RPS27L: variants seen among roughly 807,000 people sequenced by gnomAD.
RPS27L encodes ribosomal protein eS27-like.
A neutral mutation model predicts 12.8 loss-of-function variants in RPS27L; 10 were observed. The ratio of observed to expected loss-of-function variants is 0.78; its 90% CI spans 0.48 to 1.33. The LOEUF is 1.33. Among genes scored for constraint, RPS27L ranks in the 40% most tolerant of loss-of-function variants. The probability of loss-of-function intolerance (pLI) is 0.00; values close to 1 mark genes in which losing one functional copy is unlikely to be tolerated. For missense variants in RPS27L, 81 were observed against 97.4 expected, an observed-to-expected ratio of 0.83 and a Z score of 0.71; for synonymous variants, 26 against 32.3, an observed-to-expected ratio of 0.81 and a Z score of 0.66.
Position 63,152,336 on chromosome 15 carries a change from A to G in RPS27L, c.*1696T>C, listed in dbSNP as rs2037305239. ...GTATAGTTTTTTTCAAATGGCTACT[A>G]GAGTTGTTAGAACATAAGTTAATAA... is the stretch of plus-strand genomic sequence containing the variant. On this transcript the variant is annotated 3_prime_UTR_variant, in exon 4 of 4. Coordinates refer to ENST00000330964, the MANE Select transcript of RPS27L (RefSeq NM_015920.4). The G allele has an allele frequency of 6.6e-6, 1 of 152,142 alleles. No individual in the cohort carries two copies. The highest frequency in any genetic ancestry group is 2.4e-5 in the African/African-American group (1 of 41,434). The allele number at this position is 152,142 out of a possible 1,614,324, so 9.4% of individuals were successfully genotyped here. A position where few individuals can be genotyped will look rare whatever the true frequency, so the allele number is the denominator to read the frequency against.
rs1435184517 is a variant in RPS27L, at chr15:63,149,543, G to C, written c.*4489C>G. On this transcript the variant is annotated 3_prime_UTR_variant, in exon 4 of 4. Transcript: ENST00000330964. ...GATTGCGCCACTGCACTTCAGCCTG[G>C]GCGACGGAGCAAGACTCCGTCTCAA... 1 of 149,374 alleles carries C rather than the reference G, an allele frequency of 6.7e-6. No homozygotes were observed. The highest frequency in any genetic ancestry group is 1.5e-5 in the Non-Finnish European group (1 of 67,544). 9.3% of individuals were successfully genotyped at this position (149,374 alleles called of 1,614,324 possible). A position where few individuals can be genotyped will look rare whatever the true frequency, so the allele number is the denominator to read the frequency against.
chr15:63,155,589 A>G (rs1387137587), intron 3 of RPS27L, 32 bp downstream of exon 3: 1 of 1,347,878 alleles, frequency 7.4e-7, no homozygotes, highest in Non-Finnish European at 1.0e-6. Flanking sequence ...CATCAATCTC[A>G]TCACTGGGTT....
intron 3 of RPS27L, 77 bp from the exon 4 acceptor site, chr15:63,154,137 T>TA: frequency 3.5e-6 from 4 of 1,144,060 alleles, no homozygotes; most frequent in Non-Finnish European, 5.2e-6. Context: ...AAAGTACTTT[T>TA]AAGTAAAATA....
intron 1 of RPS27L, 133 bp downstream of exon 1, chr15:63,157,267 G>A (rs2037338627): frequency 9.8e-7 from 1 of 1,016,936 alleles, no homozygotes; most frequent in Admixed American, 1.8e-5. Context: ...CACGCGCGAA[G>A]ACGCTGCGCA....
At chr15:63,154,676 C>T (rs538082213) in intron 3 of RPS27L, 12 of 152,298 alleles carry the variant, frequency 7.9e-5, no homozygotes, top group African/African-American at 2.9e-4. Flanking sequence ...CCAGTGAGAG[C>T]ATGGAACTTA....
rs376819364 is a variant in RPS27L at position 63,157,443 on chromosome 15, C to T, written c.-38G>A. ...GCAAGCTCAGCCCTACCAGACCTCC[C>T]AGCCCACACAGCTAGCAAGCTGCAA... On this transcript the variant is annotated 5_prime_UTR_variant, in exon 1 of 4. Transcript: ENST00000330964. The T allele has an allele frequency of 2.5e-6, 4 of 1,613,262 alleles. No homozygotes were observed. The South Asian group carries it at 3.3e-5, about 13-fold the overall frequency.
rs902580977 is a variant in RPS27L at position 63,155,456 on chromosome 15, G to A, written c.226+165C>T. 1.7e-5 allele frequency: 8 copies of A among 466,434 alleles called. No individual in the cohort carries two copies. In the Admixed American group the frequency reaches 3.3e-4, roughly 19 times the overall value. The allele number at this position is 466,434 out of a possible 1,614,324, so 28.9% of individuals were successfully genotyped here. ...TCAATGGAGTTCACTGCAAGGTCAA[G>A]AGTATAAATATATCCATTTGAACAG... On this transcript the variant is annotated intron_variant, in intron 3 of 3. Transcript: ENST00000330964.
At chr15:63,156,860 G>A (rs2037335869) in intron 1 of RPS27L, 1 of 491,258 alleles carries the variant, frequency 2.0e-6, no homozygotes, top group Non-Finnish European at 3.5e-6. Context: ...CCCGACTGTG[G>A]ACTCGCTTAG....
chr15:63,154,990 T>A (rs543672203), intron 3 of RPS27L: 1 of 152,130 alleles, frequency 6.6e-6, no homozygotes, highest in South Asian at 2.1e-4. Flanking sequence ...TATATGGTTT[T>A]AAAAATCTGT....
Position 63,153,025 on chromosome 15 carries a change from A to G in RPS27L, c.*1007T>C, listed in dbSNP as rs1372309164. ...ATGAGGAGTTGTATAGTGAGTGGATACACTCCCCGTCTCAGCTCCCCAGGA... is the reference window on the plus strand; with the variant it reads ...ATGAGGAGTTGTATAGTGAGTGGATGCACTCCCCGTCTCAGCTCCCCAGGA... On this transcript the variant is annotated 3_prime_UTR_variant, in exon 4 of 4. Transcript: ENST00000330964. The G allele has an allele frequency of 6.6e-6, 1 of 152,210 alleles. No homozygotes were observed. Among genetic ancestry groups the G allele is most frequent in the African/African-American group, 2.4e-5 (1 of 41,436 alleles). 9.4% of individuals were successfully genotyped at this position (152,210 alleles called of 1,614,324 possible).
rs1004742087 is a variant in RPS27L, at chr15:63,157,475, T to G, written c.-70A>C. 51 of 1,586,476 alleles carry G rather than the reference T, an allele frequency of 3.2e-5. No individual in the cohort carries two copies. Among genetic ancestry groups the G allele is most frequent in the South Asian group, 2.8e-4 (25 of 90,534 alleles). ...CACAGCTAGCAAGCTGCAAGCGATC[T>G]GCGCTCGGCATCAACTTCCGGGATA... On this transcript the variant is annotated 5_prime_UTR_variant, in exon 1 of 4. Transcript: ENST00000330964.
In RPS27L at chr15:63,153,700, G is replaced by C. The variant is rs1457100940; in HGVS notation, c.*332C>G. ...AGATCGCACCACTGCACTCCAGCTT[G>C]AGTGACAGAGCAGGACTCTCTCTCT... is the stretch of plus-strand genomic sequence containing the variant. On this transcript the variant is annotated 3_prime_UTR_variant, in exon 4 of 4. Coordinates refer to ENST00000330964, the MANE Select transcript of RPS27L (RefSeq NM_015920.4). The C allele has an allele frequency of 4.6e-6, 1 of 216,822 alleles. No homozygotes were observed. Among genetic ancestry groups the C allele is most frequent in the Non-Finnish European group, 8.7e-6 (1 of 115,270 alleles). The allele number at this position is 216,822 out of a possible 1,614,324, so 13.4% of individuals were successfully genotyped here. A position where few individuals can be genotyped will look rare whatever the true frequency, so the allele number is the denominator to read the frequency against.
At chr15:63,154,749 A>G (rs1289547765) in intron 3 of RPS27L, 1 of 152,126 alleles carries the variant, frequency 6.6e-6, no homozygotes, top group African/African-American at 2.4e-5. Flanking sequence ...ATTTACAAGT[A>G]TTACTATGGA....
rs1377497965 is a variant in RPS27L at position 63,150,251 on chromosome 15, T to A, written c.*3781A>T. 1 of 152,182 alleles carries A rather than the reference T, an allele frequency of 6.6e-6. No individual in the cohort carries two copies. Among genetic ancestry groups the A allele is most frequent in the Non-Finnish European group, 1.5e-5 (1 of 68,032 alleles). 9.4% of individuals were successfully genotyped at this position (152,182 alleles called of 1,614,324 possible). A position where few individuals can be genotyped will look rare whatever the true frequency, so the allele number is the denominator to read the frequency against. ...CTAAGTGAAACATACAGAAGCTACA[T>A]ACCATGTGATTCCATTTATACGAAA... On this transcript the variant is annotated 3_prime_UTR_variant, in exon 4 of 4. Transcript: ENST00000330964.
rs1176950604 is a variant in RPS27L, at chr15:63,149,577, A to AG, written c.*4454_*4455insC. 4 of 62,020 alleles carry AG rather than the reference A, an allele frequency of 6.4e-5. No homozygotes were observed. In the East Asian group the frequency reaches 1.4e-3, roughly 22 times the overall value. 3.8% of individuals were successfully genotyped at this position (62,020 alleles called of 1,614,324 possible). On this transcript the variant is annotated 3_prime_UTR_variant, in exon 4 of 4. Transcript: ENST00000330964. Reference sequence around the variant, plus strand: ...GCAAGACTCCGTCTCAAAAAAAAAAAAAAAAAAGAAAGAAAAAGAAAAAAG... The same window carrying AG: ...GCAAGACTCCGTCTCAAAAAAAAAAAGAAAAAAAGAAAGAAAAAGAAAAAAG...
intron 3 of RPS27L, 64 bp from the exon 4 acceptor site, chr15:63,154,124 C>A: frequency 2.2e-6 from 3 of 1,337,468 alleles, no homozygotes; most frequent in Admixed American, 3.8e-5. Flanking sequence ...ATTTTAATGA[C>A]AAAAAGTACT....
Position 63,148,783 on chromosome 15 carries a change from C to T in RPS27L, c.*5249G>A, listed in dbSNP as rs769812467. 1 of 151,844 alleles carries T rather than the reference C, an allele frequency of 6.6e-6. No homozygotes were observed. Among genetic ancestry groups the T allele is most frequent in the Non-Finnish European group, 1.5e-5 (1 of 68,006 alleles). 9.4% of individuals were successfully genotyped at this position (151,844 alleles called of 1,614,324 possible). ...GAGAAAATTTGCAATTCTGGCATCT[C>T]CTTTGAAACAAAATTCAAAGGCTAT... On this transcript the variant is annotated 3_prime_UTR_variant, in exon 4 of 4. Coordinates refer to ENST00000330964, the MANE Select transcript of RPS27L (RefSeq NM_015920.4).
At position 63,150,273 on chromosome 15, in the gene RPS27L, G is replaced by A. The variant is rs1360890225; in HGVS notation, c.*3759C>T. ...ACATACCATGTGATTCCATTTATAC[G>A]AAATAGCATTATATGAAATATTGAG... On this transcript the variant is annotated 3_prime_UTR_variant, in exon 4 of 4. Coordinates refer to ENST00000330964, the MANE Select transcript of RPS27L (RefSeq NM_015920.4). 5 of 152,126 alleles carry A rather than the reference G, an allele frequency of 3.3e-5. No individual in the cohort carries two copies. The highest frequency in any genetic ancestry group is 6.5e-5 in the Admixed American group (1 of 15,276). 9.4% of individuals were successfully genotyped at this position (152,126 alleles called of 1,614,324 possible).
chr15:63,148,759 A>G lies in RPS27L; in HGVS notation c.*5273T>C, dbSNP rs2037280415. On this transcript the variant is annotated 3_prime_UTR_variant, in exon 4 of 4. Transcript: ENST00000330964. ...GAATCAGTAGGACACAAATCAGCAG[A>G]GAAAATTTGCAATTCTGGCATCTCC... 1 of 152,122 alleles carries G rather than the reference A, an allele frequency of 6.6e-6. No individual in the cohort carries two copies. The highest frequency in any genetic ancestry group is 6.6e-5 in the Admixed American group (1 of 15,262). 9.4% of individuals were successfully genotyped at this position (152,122 alleles called of 1,614,324 possible).
Sources: allele counts gnomAD v4.1 joint callset, GRCh38; gene constraint gnomAD v4.1.1; transcripts MANE v1.5; gene names NCBI Gene and HGNC (gene_info 2026-07-23, HGNC 2026-07-21).